Variants in MYL1 observed in about 807,000 individuals in gnomAD.
MYL1 encodes myosin light chain 1/3, skeletal muscle isoform.
Under a neutral mutation model 21.8 loss-of-function variants are expected in MYL1, and 16 were observed. That is an observed-to-expected ratio of 0.74 (90% CI 0.50 to 1.12). MYL1 has a LOEUF of 1.12. Among genes scored for constraint, MYL1 ranks in the 50% most tolerant of loss-of-function variants. MYL1 has a pLI of 0.00. For synonymous variants in MYL1, 99 were observed against 85.2 expected (o/e 1.16, Z -0.89); for missense variants, 246 against 241.0 (o/e 1.02, Z -0.14).
rs1246883285 is a variant in MYL1, at chr2:210,290,985, A to C, written c.*14+47T>G. On this transcript the variant is annotated intron_variant, in intron 6 of 6. Coordinates refer to ENST00000352451, the MANE Select transcript of MYL1 (RefSeq NM_079420.3). Reference sequence around the variant, plus strand: ...CTGAAGCTGTCAAGTTTTAAAAAACACAATATCAAGAAATCCTTAAATATT... The same window carrying C: ...CTGAAGCTGTCAAGTTTTAAAAAACCCAATATCAAGAAATCCTTAAATATT... 4.5e-6 allele frequency: 6 copies of C among 1,334,900 alleles called. No individual in the cohort carries two copies. In the Admixed American group the frequency reaches 1.1e-4, roughly 23 times the overall value. 82.7% of individuals were successfully genotyped at this position (1,334,900 alleles called of 1,614,324 possible).
rs781219009 is a variant in MYL1, at chr2:210,294,395, ACT to A, written c.326_327del (p.Glu109ValfsTer2). On this transcript the variant is annotated frameshift_variant, in exon 4 of 7. Coordinates refer to ENST00000352451, the MANE Select transcript of MYL1 (RefSeq NM_079420.3). LOFTEE classifies it high-confidence loss of function. The part of the protein sequence containing the change: ...SNEELNAKKI[E>X]FEQFLPMMQA... ...TGCATCATAGGCAGAAATTGTTCAA[ACT>A]CAATTTTCTTGGCATTCAGCTCTGT... The A allele has an allele frequency of 6.2e-7, 1 of 1,613,678 alleles. No homozygotes were observed. Among genetic ancestry groups the A allele is most frequent in the South Asian group, 1.1e-5 (1 of 91,036 alleles).
intron 6 of MYL1, among the ~76,000 whole-genome samples, chr2:210,290,792 A>T (rs888650492): frequency 6.6e-6 from 1 of 152,188 alleles, no homozygotes; most frequent in Non-Finnish European, 1.5e-5. Flanking sequence ...ATTGCAGTAC[A>T]GTCACAAAGA....
intron 1 of MYL1, among the ~76,000 whole-genome samples, chr2:210,304,793 G>T (rs1484326661): frequency 6.6e-6 from 1 of 152,152 alleles, no homozygotes; most frequent in Non-Finnish European, 1.5e-5. Context: ...CCATCATCCT[G>T]CCCATTGTTG....
intron 3 of MYL1, among the ~76,000 whole-genome samples, chr2:210,297,613 T>C (rs1028810371): frequency 6.6e-6 from 1 of 152,060 alleles, no homozygotes; most frequent in Non-Finnish European, 1.5e-5. Context: ...TTGTTTGTTT[T>C]GAGTATCATT....
At chr2:210,294,773 T>C (rs1352806662) in intron 3 of MYL1, among the ~76,000 whole-genome samples, 1 of 152,172 alleles carries the variant, frequency 6.6e-6, no homozygotes, top group East Asian at 1.9e-4. Flanking sequence ...ATAAACTGAG[T>C]GCTTAATAAG....
chr2:210,293,905 AG>A, intron 4 of MYL1, 105 bp from the exon 5 acceptor site: 2 of 953,496 alleles, frequency 2.1e-6, no homozygotes, highest in Non-Finnish European at 3.3e-6. Flanking sequence ...CTTGACATAT[AG>A]GAACTGTGAC....
chr2:210,298,398 C>G (rs775941715), intron 3 of MYL1, 22 bp downstream of exon 3: 9 of 1,610,486 alleles, frequency 5.6e-6, no homozygotes, highest in Non-Finnish European at 7.6e-6. Flanking sequence ...TTCCACACTT[C>G]TTGGAAAAAT....
At chr2:210,293,549 A>G (rs1246973263) in intron 5 of MYL1, among the ~76,000 whole-genome samples, 174 bp downstream of exon 5, 1 of 152,232 alleles carries the variant, frequency 6.6e-6, no homozygotes, top group Non-Finnish European at 1.5e-5. Context: ...GCTAAAACAC[A>G]CTGGAATAAA....
At position 210,290,270 on chromosome 2, in the gene MYL1, G is replaced by C. The variant is rs1332750260; in HGVS notation, c.*212C>G. 6.6e-6 allele frequency: 1 copy of C among 152,086 alleles called. No homozygotes were observed. Among genetic ancestry groups the C allele is most frequent in the African/African-American group, 2.4e-5 (1 of 41,412 alleles). The allele number at this position is 152,086 out of a possible 1,614,324, so 9.4% of individuals were successfully genotyped here. A position where few individuals can be genotyped will look rare whatever the true frequency, so the allele number is the denominator to read the frequency against. ...GTCAATATTTTATTCTTCTCATCTA[G>C]AGCAGCAGACACTTTGTTTGTGTGG... On this transcript the variant is annotated 3_prime_UTR_variant, in exon 7 of 7. Transcript: ENST00000352451.
intron 1 of MYL1, among the ~76,000 whole-genome samples, chr2:210,311,889 A>G (rs1690424515): frequency 6.6e-6 from 1 of 151,988 alleles, no homozygotes; most frequent in Non-Finnish European, 1.5e-5. Flanking sequence ...AAATATCAAC[A>G]GTATTTTGTT....
intron 1 of MYL1, among the ~76,000 whole-genome samples, chr2:210,311,944 A>G (rs1314665652): frequency 6.6e-6 from 1 of 152,066 alleles, no homozygotes; most frequent in African/African-American, 2.4e-5. Flanking sequence ...TTGGACATCA[A>G]GTAAGCATTC....
chr2:210,292,601 G>T, intron 5 of MYL1, among the ~76,000 whole-genome samples: 1 of 150,882 alleles, frequency 6.6e-6, no homozygotes, highest in African/African-American at 2.4e-5. Context: ...TTGCTTTGGT[G>T]GCTTTTGCCA....
In MYL1 at chr2:210,314,992, G is replaced by A; in HGVS notation, c.51C>T (p.Ala17=). 2 of 1,609,500 alleles carry A rather than the reference G, an allele frequency of 1.2e-6. No homozygotes were observed. Among genetic ancestry groups the A allele is most frequent in the Non-Finnish European group, 1.7e-6 (2 of 1,178,778 alleles). The change falls in exon 1 of 7, where the codon GCC becomes GCT. Residue 17 remains alanine, a synonymous_variant. Transcript: ENST00000352451. The part of the protein sequence containing the change: ...VKKPVAAAAA[A]PAPAPAPAPA... ...GTGCAGGTGCCGGTGCCGGGGCTGG[G>A]GCAGCCGCAGCCGCAGCCACAGGTT...
chr2:210,300,577 T>C (rs1383078304), intron 2 of MYL1, among the ~76,000 whole-genome samples: 1 of 152,136 alleles, frequency 6.6e-6, no homozygotes. Context: ...TCTATAACAG[T>C]ATTGTTCTAG....
At chr2:210,296,799 C>A (rs904297369) in intron 3 of MYL1, among the ~76,000 whole-genome samples, 10 of 152,040 alleles carry the variant, frequency 6.6e-5, no homozygotes, top group African/African-American at 9.7e-5. Context: ...ATTCCTTCCA[C>A]CCTTTCCTGT....
intron 1 of MYL1, among the ~76,000 whole-genome samples, chr2:210,310,048 T>C (rs369663434): frequency 2.6e-5 from 4 of 152,106 alleles, no homozygotes; most frequent in African/African-American, 9.6e-5. Flanking sequence ...GGAAATGTGA[T>C]ACTGATACCT....
At chr2:210,306,976 A>G (rs1234958946) in intron 1 of MYL1, among the ~76,000 whole-genome samples, 1 of 152,086 alleles carries the variant, frequency 6.6e-6, no homozygotes, top group Non-Finnish European at 1.5e-5. Context: ...TCAGTTCTCT[A>G]TGTCATCAAT....
rs183062011 is a variant in MYL1 at position 210,313,393 on chromosome 2, G to T, written c.132+1518C>A. Among the ~76,000 whole-genome samples the T allele has an allele frequency of 3.2e-3, 491 of 152,022 alleles. 5 individuals carry two copies. The highest frequency in any genetic ancestry group is 0.024 in the Middle Eastern group (7 of 294). On this transcript the variant is annotated intron_variant, in intron 1 of 6. Transcript: ENST00000352451. ...AGGGACAATCAGAATTACTATCATG[G>T]CTATGATCTCACTTATTGTGTAATG... is the stretch of plus-strand genomic sequence containing the variant.
intron 1 of MYL1, chr2:210,303,446 CT>C: frequency 8.7e-7 from 1 of 1,153,614 alleles, no homozygotes; most frequent in Non-Finnish European, 1.2e-6. Context: ...ATGTTCTCTC[CT>C]CAGTTCCATT....
Sources: gnomAD v4.1 joint callset for allele counts (sites outside exome capture counted in the v4.1 genomes callset) on GRCh38, gnomAD v4.1.1 for gene constraint, MANE v1.5 for transcripts, NCBI Gene and HGNC (gene_info 2026-07-23, HGNC 2026-07-21) for gene names.